Variants in DHRS7 observed in about 807,000 individuals in gnomAD.
The protein encoded by DHRS7 is dehydrogenase/reductase 7.
In DHRS7, 34 loss-of-function variants were observed where a neutral mutation model predicts 38.9. The ratio of observed to expected loss-of-function variants is 0.87; its 90% CI spans 0.66 to 1.16. The LOEUF (loss-of-function observed/expected upper bound fraction) is 1.16, where lower values mean the gene tolerates loss of function less well. Ranked by LOEUF, DHRS7 falls within the 50% of genes most tolerant of loss-of-function variation. The pLI, the probability that DHRS7 is intolerant of heterozygous loss-of-function variation, is 0.00. For missense variants in DHRS7, 421 were observed against 407.0 expected, an observed-to-expected ratio of 1.03 and a Z score of -0.30; for synonymous variants, 158 against 153.1, an observed-to-expected ratio of 1.03 and a Z score of -0.24.
At position 60,157,497 on chromosome 14, in the gene DHRS7, C is replaced by T. The variant is rs73312165; in HGVS notation, c.134-1345G>A. ...TTCTCCAGCCAGGAAAACAGAGTTA[C>T]CAATTCTAATGGCTTAACGTTTTTA... On this transcript the variant is annotated intron_variant, in intron 1 of 6. Transcript: ENST00000557185. 6.2e-3 allele frequency among the ~76,000 whole-genome samples: 948 copies of T among 152,302 alleles called. 20 individuals are homozygous for T. Among genetic ancestry groups the T allele is most frequent in the East Asian group, 0.057 (294 of 5,184 alleles).
chr14:60,165,692 T>C, upstream of DHRS7: 1 of 1,015,122 alleles, frequency 9.9e-7, no homozygotes, highest in Non-Finnish European at 1.2e-6. This position sits in a 1 kb window ranked among gnomAD's most constrained non-coding sequence, Gnocchi z 4.6. Context: ...TTATTTCCTC[T>C]CTGTACAGGG....
chr14:60,151,102 AGAAT>A (rs1328082198), intron 4 of DHRS7, among the ~76,000 whole-genome samples: 1 of 152,246 alleles, frequency 6.6e-6, no homozygotes, highest in Non-Finnish European at 1.5e-5. Context: ...AGTATCAGAA[AGAAT>A]GAATTCAACT....
Position 60,158,755 on chromosome 14 carries a change from T to C in DHRS7, c.134-2603A>G, listed in dbSNP as rs150904767. ...TTCAACCCCCACTCCAGTTTGAGAA[T>C]TCTCTTCTCAAGCCCTTGACCCATC... On this transcript the variant is annotated intron_variant, in intron 1 of 6. Coordinates refer to ENST00000557185, the MANE Select transcript of DHRS7 (RefSeq NM_016029.4). 3.1e-3 allele frequency among the ~76,000 whole-genome samples: 468 copies of C among 152,306 alleles called. 8 individuals carry two copies. The highest frequency in any genetic ancestry group is 2.7e-3 in the Admixed American group (41 of 15,296).
intron 1 of DHRS7, among the ~76,000 whole-genome samples, chr14:60,158,308 T>C (rs1896698606): frequency 6.6e-6 from 1 of 151,936 alleles, no homozygotes; most frequent in African/African-American, 2.4e-5. Flanking sequence ...TACAATGCTT[T>C]CCTGTCATAT....
In DHRS7 at chr14:60,153,531, C is replaced by T. The variant is rs1896593104; in HGVS notation, c.394-353G>A. Among the ~76,000 whole-genome samples the T allele has an allele frequency of 1.3e-5, 2 of 151,970 alleles. No homozygotes were observed. On this transcript the variant is annotated intron_variant, in intron 3 of 6. Coordinates refer to ENST00000557185, the MANE Select transcript of DHRS7 (RefSeq NM_016029.4). This position sits in a 1 kb window ranked among gnomAD's most constrained non-coding sequence, Gnocchi z 4.4. Reference sequence around the variant, plus strand: ...CCAACATGGTGAAACCCCATCTCTACTAAAAAATATAAAAATTAGCTGGGC... The same window carrying T: ...CCAACATGGTGAAACCCCATCTCTATTAAAAAATATAAAAATTAGCTGGGC...
In DHRS7 at chr14:60,149,373, C is replaced by T; in HGVS notation, c.952G>A (p.Glu318Lys). 1.2e-6 allele frequency: 2 copies of T among 1,614,144 alleles called. No individual in the cohort carries two copies. The highest frequency in any genetic ancestry group is 1.1e-5 in the South Asian group (1 of 91,086). The change falls in exon 6 of 7, where the codon GAG (glutamate) becomes AAG (lysine). Residue 318 changes from glutamate to lysine, a missense_variant. Transcript: ENST00000557185. Reference protein sequence around the residue: ...ITNKMGKKRIENFKSGVDADS... With the variant: ...ITNKMGKKRIKNFKSGVDADS... The stretch of plus-strand genomic sequence containing the variant: ...CTTACCACACCACTCTTAAAGTTCT[C>T]AATCCTTTTCTTCCCCATCTTGTTG...
chr14:60,153,038 G>A lies in DHRS7; in HGVS notation c.534C>T (p.Ile178=), dbSNP rs559221999. Residue 178 remains isoleucine, a synonymous_variant, in exon 4 of 7, where the codon ATC becomes ATT. Transcript: ENST00000557185. This position sits in a 1 kb window ranked among gnomAD's most constrained non-coding sequence, Gnocchi z 4.4. The part of the protein sequence containing the change: ...SLTKCVLPHM[I]ERKQGKIVTV... Reference sequence around the variant, plus strand: ...TAACAATCTTTCCTTGCTTCCTCTCGATCATGTGAGGCAGAACACATTTTG... The same window carrying A: ...TAACAATCTTTCCTTGCTTCCTCTCAATCATGTGAGGCAGAACACATTTTG... The A allele has an allele frequency of 2.2e-5, 36 of 1,614,098 alleles. No individual in the cohort carries two copies. The highest frequency in any genetic ancestry group is 6.7e-5 in the Admixed American group (4 of 59,978).
At chr14:60,169,132 CCAA>C (rs1896901375), upstream of DHRS7, 4 of 31,086 alleles carry the variant, frequency 1.3e-4, no homozygotes, top group African/African-American at 4.7e-4. Flanking sequence ...ACAAAAGAAA[CCAA>C]AAAAAAAAAA....
In DHRS7 at chr14:60,145,826, AAATAAT is replaced by A. The variant is rs1896391359; in HGVS notation, c.973-819_973-814del. ...TCAAAACTTTGCACTAAGAAAGACA[AAATAAT>A]AATAATGATAATACAAAATTCAGTG... is the stretch of plus-strand genomic sequence containing the variant. On this transcript the variant is annotated intron_variant, in intron 6 of 6. Transcript: ENST00000557185. The surrounding 1 kb of genome is among the most constrained non-coding windows in gnomAD (Gnocchi z 4.0). The A allele has an allele frequency of 6.6e-6, 1 of 152,118 alleles. No individual in the cohort carries two copies. 9.4% of individuals were successfully genotyped at this position (152,118 alleles called of 1,614,324 possible). A position where few individuals can be genotyped will look rare whatever the true frequency, so the allele number is the denominator to read the frequency against.
chr14:60,163,615 A>G (rs1595202183), intron 1 of DHRS7, among the ~76,000 whole-genome samples: 1 of 152,260 alleles, frequency 6.6e-6, no homozygotes, highest in African/African-American at 2.4e-5. Flanking sequence ...AAAATATTAA[A>G]TGAATTTCTT....
chr14:60,150,196 C>CCA lies in DHRS7; in HGVS notation c.634-10_634-9insTG. 1 of 1,187,720 alleles carries CCA rather than the reference C, an allele frequency of 8.4e-7. No homozygotes were observed. Among genetic ancestry groups the CCA allele is most frequent in the Non-Finnish European group, 1.1e-6 (1 of 932,830 alleles). The allele number at this position is 1,187,720 out of a possible 1,614,324, so 73.6% of individuals were successfully genotyped here. ...AGGCCATTAAAAAAACCCTAACAGA[C>CCA]AAAAAAAAAAAAAAAGGAAAAAGGC... On this transcript the variant is annotated splice_polypyrimidine_tract_variant and intron_variant, in intron 4 of 6. Transcript: ENST00000557185.
At chr14:60,158,099 G>C (rs575078597) in intron 1 of DHRS7, among the ~76,000 whole-genome samples, 10 of 151,862 alleles carry the variant, frequency 6.6e-5, no homozygotes, top group Non-Finnish European at 1.2e-4. Flanking sequence ...CAGGTGTGGT[G>C]GCGCATCGTT....
rs1261354915 is a variant in DHRS7 at position 60,162,860 on chromosome 14, A to G, written c.133+2317T>C. On this transcript the variant is annotated intron_variant, in intron 1 of 6. Coordinates refer to ENST00000557185, the MANE Select transcript of DHRS7 (RefSeq NM_016029.4). The surrounding 1 kb of genome is among the most constrained non-coding windows in gnomAD (Gnocchi z 4.5). ...CTGTACATATATCTGTGCTTTATAC[A>G]TAAAAGGAGTTCTATAAAGTTTACT... Among the ~76,000 whole-genome samples, 2 of 152,172 alleles carry G rather than the reference A, an allele frequency of 1.3e-5. No individual in the cohort carries two copies. Among genetic ancestry groups the G allele is most frequent in the Admixed American group, 6.5e-5 (1 of 15,278 alleles).
chr14:60,149,164 G>C (rs1049381294), intron 6 of DHRS7, 189 bp downstream of exon 6: 3 of 592,040 alleles, frequency 5.1e-6, no homozygotes, highest in East Asian at 5.8e-5. Context: ...GTAGAGATGG[G>C]GTTTCACTAT....
At chr14:60,159,297 C>A in intron 1 of DHRS7, 1 of 430,116 alleles carries the variant, frequency 2.3e-6, no homozygotes, top group South Asian at 2.0e-5. Flanking sequence ...TAGTGTTTTT[C>A]AAACAACTGA....
Position 60,144,849 on chromosome 14 carries a change from A to G in DHRS7, c.*117T>C. On this transcript the variant is annotated 3_prime_UTR_variant, in exon 7 of 7. Coordinates refer to ENST00000557185, the MANE Select transcript of DHRS7 (RefSeq NM_016029.4). ...CATTCCATGTTGGAAGCAAAGTCAT[A>G]TCTATTAAAAAGTAAAATCACAAAT... The G allele has an allele frequency of 1.2e-6, 1 of 854,774 alleles. No individual in the cohort carries two copies. The highest frequency in any genetic ancestry group is 1.9e-6 in the Non-Finnish European group (1 of 516,978). 52.9% of individuals were successfully genotyped at this position (854,774 alleles called of 1,614,324 possible).
chr14:60,156,470 A>G (rs984623703), intron 1 of DHRS7, among the ~76,000 whole-genome samples: 2 of 152,212 alleles, frequency 1.3e-5, no homozygotes, highest in African/African-American at 2.4e-5. Context: ...ATTTAACACA[A>G]ACAGGTAAGA....
At chr14:60,166,516 T>C (rs554107082), upstream of DHRS7, among the ~76,000 whole-genome samples, 13 of 152,350 alleles carry the variant, frequency 8.5e-5, no homozygotes, top group Non-Finnish European at 1.2e-4. Flanking sequence ...GTTTTCTTTT[T>C]CTAGTCTTGC....
chr14:60,165,610 C>T, upstream of DHRS7: 3 of 1,172,756 alleles, frequency 2.6e-6, no homozygotes, highest in Non-Finnish European at 3.2e-6. The surrounding 1 kb of genome is among the most constrained non-coding windows in gnomAD (Gnocchi z 4.6). Context: ...CTGTGTCTAC[C>T]AAAAATAAAT....
Sources: allele counts gnomAD v4.1 joint callset (sites outside exome capture counted in the v4.1 genomes callset), GRCh38; gene constraint gnomAD v4.1.1; non-coding constraint Gnocchi (gnomAD v3.1); transcripts MANE v1.5; gene names NCBI Gene and HGNC (gene_info 2026-07-23, HGNC 2026-07-21).